Variants in OLA1 observed in about 807,000 individuals in gnomAD.
OLA1 encodes obg-like ATPase 1.
OLA1 carries 14 observed loss-of-function variants against 48.4 expected under a neutral mutation model. The observed-to-expected ratio is 0.29, with a 90% confidence interval of 0.19 to 0.45. The LOEUF (loss-of-function observed/expected upper bound fraction) is 0.45. Among genes scored for constraint, OLA1 ranks in the 20% least tolerant of loss-of-function variants. The pLI, the probability that OLA1 is intolerant of heterozygous loss-of-function variation, is 1.00. For missense variants in OLA1, 325 were observed against 467.1 expected, an observed-to-expected ratio of 0.70 and a Z score of 2.80; for synonymous variants, 127 against 150.4, an observed-to-expected ratio of 0.84 and a Z score of 1.14.
At chr2:174,157,332 A>C (rs73033848) in intron 4 of OLA1, among the ~76,000 whole-genome samples, 4,069 of 152,266 alleles carry the variant, frequency 0.027, 169 homozygotes, top group African/African-American at 0.091. Context: ...AATAAAAACA[A>C]GAAAGTAAAC....
At chr2:174,212,761 C>T (rs1052641868) in intron 4 of OLA1, among the ~76,000 whole-genome samples, 2 of 152,088 alleles carry the variant, frequency 1.3e-5, no homozygotes, top group Non-Finnish European at 2.9e-5. Flanking sequence ...TAAGCTTACA[C>T]AGGGTGAGGA....
intron 7 of OLA1, among the ~76,000 whole-genome samples, chr2:174,099,979 T>C (rs1685354350): frequency 1.3e-5 from 2 of 152,304 alleles, no homozygotes; most frequent in East Asian, 1.9e-4. Context: ...GTCTATCAAA[T>C]TGGTACAGAT....
At chr2:174,121,394 C>T (rs564310848) in intron 7 of OLA1, among the ~76,000 whole-genome samples, 9 of 152,012 alleles carry the variant, frequency 5.9e-5, no homozygotes, top group East Asian at 1.9e-4. Context: ...GAACAGCAGG[C>T]GGCAGAAACT....
intron 4 of OLA1, among the ~76,000 whole-genome samples, chr2:174,194,335 C>T (rs1687837457): frequency 6.6e-6 from 1 of 152,182 alleles, no homozygotes; most frequent in Non-Finnish European, 1.5e-5. Context: ...CTGGACTCAA[C>T]CTTCACTAAT....
chr2:174,149,838 C>T (rs1032367955), intron 4 of OLA1, among the ~76,000 whole-genome samples: 4 of 152,192 alleles, frequency 2.6e-5, no homozygotes, highest in African/African-American at 7.2e-5. Flanking sequence ...TAAATCTACA[C>T]TCTGTTTAGG....
At chr2:174,117,645 C>T (rs759245532) in intron 7 of OLA1, among the ~76,000 whole-genome samples, 3 of 152,244 alleles carry the variant, frequency 2.0e-5, no homozygotes, top group Admixed American at 6.5e-5. Flanking sequence ...CAGGAAAGAA[C>T]GGTAGAGACA....
intron 7 of OLA1, among the ~76,000 whole-genome samples, chr2:174,106,898 T>C (rs1685524781): frequency 6.6e-6 from 1 of 152,172 alleles, no homozygotes; most frequent in Non-Finnish European, 1.5e-5. Flanking sequence ...GCTCATGATG[T>C]GCTTTGCTGC....
At chr2:174,097,904 TC>T (rs1237286115) in intron 7 of OLA1, among the ~76,000 whole-genome samples, 1 of 152,092 alleles carries the variant, frequency 6.6e-6, no homozygotes, top group East Asian at 1.9e-4. Flanking sequence ...CATTCCATGA[TC>T]CCATTTATCC....
At chr2:174,242,979 C>A (rs981811940) in intron 2 of OLA1, among the ~76,000 whole-genome samples, 1 of 152,012 alleles carries the variant, frequency 6.6e-6, no homozygotes, top group Admixed American at 6.6e-5. Context: ...TGAGCCACCA[C>A]ACGGGGCAAG....
chr2:174,232,494 G>A lies in OLA1; in HGVS notation c.102-3043C>T, dbSNP rs147716511. On this transcript the variant is annotated intron_variant, in intron 2 of 10. Transcript: ENST00000284719. Reference sequence around the variant, plus strand: ...TAATTACATATTTTCTACTTCCATCGGAGAAGAAGGCCTAAAAACAGCAAC... The same window carrying A: ...TAATTACATATTTTCTACTTCCATCAGAGAAGAAGGCCTAAAAACAGCAAC... Among the ~76,000 whole-genome samples the A allele has an allele frequency of 2.6e-3, 397 of 152,020 alleles. 1 individual carries two copies. The highest frequency in any genetic ancestry group is 0.017 in the East Asian group (89 of 5,178).
intron 4 of OLA1, among the ~76,000 whole-genome samples, chr2:174,163,737 T>A (rs1467236199): frequency 3.8e-4 from 9 of 23,834 alleles, no homozygotes; most frequent in Admixed American, 1.3e-3. Flanking sequence ...TATATATATA[T>A]ATATATATAT....
At chr2:174,156,894 A>G (rs1686898302) in intron 4 of OLA1, among the ~76,000 whole-genome samples, 1 of 151,400 alleles carries the variant, frequency 6.6e-6, no homozygotes, top group Non-Finnish European at 1.5e-5. Flanking sequence ...CTGCTACCAC[A>G]CTCTTTAAAT....
rs889644997 is a variant in OLA1, at chr2:174,072,710, C to A, written c.*2716G>T. On this transcript the variant is annotated 3_prime_UTR_variant, in exon 11 of 11. Transcript: ENST00000284719. ...GAGCTTTGGAAATATTATACACAGA[C>A]AACTAGAGACAAACATCAAACTGGA... 6.6e-6 allele frequency: 1 copy of A among 152,110 alleles called. No individual in the cohort carries two copies. Among genetic ancestry groups the A allele is most frequent in the African/African-American group, 2.4e-5 (1 of 41,402 alleles). The allele number at this position is 152,110 out of a possible 1,614,324, so 9.4% of individuals were successfully genotyped here. A position where few individuals can be genotyped will look rare whatever the true frequency, so the allele number is the denominator to read the frequency against.
chr2:174,222,889 G>T, intron 4 of OLA1, 144 bp downstream of exon 4: 3 of 787,268 alleles, frequency 3.8e-6, no homozygotes, highest in Non-Finnish European at 4.0e-6. Flanking sequence ...TAACATTAAA[G>T]TCACAGATTT....
Position 174,163,741 on chromosome 2 carries a change from TATATATATATATATATATATATATATATA to T in OLA1, c.374-21770_374-21742del, listed in dbSNP as rs1687079842. Among the ~76,000 whole-genome samples, 22 of 36,616 alleles carry T rather than the reference TATATATATATATATATATATATATATATA, an allele frequency of 6.0e-4. 2 individuals carry two copies. Among genetic ancestry groups the T allele is most frequent in the South Asian group, 2.4e-3 (2 of 848 alleles). The allele number at this position is 36,616 out of a possible 152,430, so 24.0% of individuals were successfully genotyped here. ...ATATATATATATATATATATATATA[TATATATATATATATATATATATATATATA>T]TATATAAATAAATGTTTGGGTGCCT... On this transcript the variant is annotated intron_variant, in intron 4 of 10. Coordinates refer to ENST00000284719, the MANE Select transcript of OLA1 (RefSeq NM_013341.5).
chr2:174,180,002 T>C (rs1487837463), intron 4 of OLA1, among the ~76,000 whole-genome samples: 1 of 152,072 alleles, frequency 6.6e-6, no homozygotes, highest in African/African-American at 2.4e-5. Context: ...TTATAAGAAA[T>C]CTGTTTCTAG....
intron 7 of OLA1, among the ~76,000 whole-genome samples, chr2:174,095,349 TG>T (rs368739899): frequency 0.035 from 3,643 of 104,666 alleles, 14 homozygotes; most frequent in Non-Finnish European, 0.049. Flanking sequence ...TTTTTTTTTT[TG>T]TTGTTGTTGT....
chr2:174,233,508 G>C (rs1688779086), intron 2 of OLA1, among the ~76,000 whole-genome samples: 3 of 152,104 alleles, frequency 2.0e-5, no homozygotes. Context: ...AGAGTAGCTG[G>C]GACTACAGGT....
intron 4 of OLA1, among the ~76,000 whole-genome samples, chr2:174,181,725 A>G (rs1283895092): frequency 1.3e-5 from 2 of 151,992 alleles, no homozygotes; most frequent in African/African-American, 4.8e-5. Context: ...TATTTACGTG[A>G]TTTTTTCCCT....
Sources: gnomAD v4.1 joint callset for allele counts (sites outside exome capture counted in the v4.1 genomes callset) on GRCh38, gnomAD v4.1.1 for gene constraint, MANE v1.5 for transcripts, NCBI Gene and HGNC (gene_info 2026-07-23, HGNC 2026-07-21) for gene names.